The following EBNA1BP2 variants were observed in gnomAD, a reference collection of about 807,000 sequenced individuals.
EBNA1BP2 encodes probable rRNA-processing protein EBP2.
EBNA1BP2 carries 36 observed loss-of-function variants against 43.5 expected under a neutral mutation model. The ratio of observed to expected loss-of-function variants is 0.83; its 90% CI spans 0.63 to 1.09. The LOEUF is 1.09. Ranked by LOEUF, EBNA1BP2 falls within the 50% of genes least tolerant of loss-of-function variation. EBNA1BP2 has a pLI of 0.00. For synonymous variants in EBNA1BP2, 127 were observed against 141.3 expected (o/e 0.90, Z 0.72); for missense variants, 332 against 379.1 (o/e 0.88, Z 1.03).
intron 4 of EBNA1BP2, 103 bp from the exon 5 acceptor site, chr1:43,169,131 C>T (rs576581983): frequency 2.0e-5 from 25 of 1,233,152 alleles, no homozygotes; most frequent in Middle Eastern, 1.9e-4. Context: ...CTTTAAACTG[C>T]GGAACTTATA....
chr1:43,172,395 C>T (rs957821523), upstream of EBNA1BP2: 11 of 1,551,406 alleles, frequency 7.1e-6, no homozygotes, highest in Non-Finnish European at 7.0e-6. Context: ...TGCTTAGGAT[C>T]CCTACAGGTA....
chr1:43,169,133 G>A, intron 4 of EBNA1BP2, 105 bp from the exon 5 acceptor site: 1 of 1,222,422 alleles, frequency 8.2e-7, no homozygotes, highest in South Asian at 1.2e-5. Flanking sequence ...TTAAACTGCG[G>A]AACTTATAAA....
upstream of EBNA1BP2, chr1:43,172,356 A>G (rs1340174372): frequency 1.3e-6 from 2 of 1,551,514 alleles, no homozygotes; most frequent in African/African-American, 1.4e-5. Context: ...TGCTATAGGA[A>G]CCGCTACGGC....
rs1405131460 is a variant in EBNA1BP2 at position 43,171,948 on chromosome 1, C to A, written c.88G>T (p.Gly30Trp). 6.2e-7 allele frequency: 1 copy of A among 1,614,198 alleles called. No individual in the cohort carries two copies. Among genetic ancestry groups the A allele is most frequent in the Admixed American group, 1.7e-5 (1 of 60,036 alleles). The change falls in exon 2 of 9, where the codon GGG (glycine) becomes TGG (tryptophan). Residue 30 changes from glycine to tryptophan, a missense_variant. Transcript: ENST00000236051. ...ACATTGAGGCCTGGCTTCAGAAGCC[C>A]TCGGGAAAACGCATCCTGCAACTGC... ...DRELQDAFSR[G>W]LLKPGLNVVL...
intron 3 of EBNA1BP2, 23 bp from the exon 4 acceptor site, chr1:43,170,902 T>TTTA: frequency 6.5e-7 from 1 of 1,547,816 alleles, no homozygotes; most frequent in Non-Finnish European, 8.7e-7. Context: ...GGACAAAATG[T>TTTA]GTAATGAGGT....
At chr1:43,168,875 C>T (rs1644935012) in intron 5 of EBNA1BP2, 64 bp downstream of exon 5, 1 of 1,540,556 alleles carries the variant, frequency 6.5e-7, no homozygotes, top group Non-Finnish European at 9.0e-7. Context: ...CCAAGTCAGA[C>T]CACGGCAATC....
At position 43,172,136 on chromosome 1, in the gene EBNA1BP2, C is replaced by T. The variant is rs375133692; in HGVS notation, c.-18G>A. 68 of 1,613,998 alleles carry T rather than the reference C, an allele frequency of 4.2e-5. No homozygotes were observed. The highest frequency in any genetic ancestry group is 5.6e-5 in the Non-Finnish European group (66 of 1,180,034). On this transcript the variant is annotated 5_prime_UTR_variant, in exon 1 of 9. Transcript: ENST00000236051. ...GTGTCCATCTCGCCGCACGCACGTCCCACACCTACAGGAAGAAACGGGGTA... is the reference window on the plus strand; with the variant it reads ...GTGTCCATCTCGCCGCACGCACGTCTCACACCTACAGGAAGAAACGGGGTA...
At chr1:43,168,305 C>T (rs915188228) in intron 5 of EBNA1BP2, among the ~76,000 whole-genome samples, 1 of 152,216 alleles carries the variant, frequency 6.6e-6, no homozygotes, top group African/African-American at 2.4e-5. Context: ...ATCTTCCTCA[C>T]ATTCATTTCT....
At chr1:43,170,697 A>G in intron 4 of EBNA1BP2, 59 bp downstream of exon 4, 1 of 1,563,952 alleles carries the variant, frequency 6.4e-7, no homozygotes, top group East Asian at 2.5e-5. Flanking sequence ...TTTCTAAGCC[A>G]GCTGAATATG....
upstream of EBNA1BP2, chr1:43,172,565 G>C: frequency 1.2e-6 from 1 of 841,720 alleles, no homozygotes; most frequent in Non-Finnish European, 1.9e-6. Context: ...AGGACCCCGG[G>C]GGAGGGGAAA....
chr1:43,164,607 A>G, intron 8 of EBNA1BP2, 36 bp downstream of exon 8: 1 of 1,613,850 alleles, frequency 6.2e-7, no homozygotes, highest in Non-Finnish European at 8.5e-7. Flanking sequence ...GGGGAGGCTG[A>G]GCCTGCTCCT....
chr1:43,170,861 G>T lies in EBNA1BP2; in HGVS notation c.342C>A (p.Ala114=). 6.3e-7 allele frequency: 1 copy of T among 1,584,554 alleles called. No individual in the cohort carries two copies. The highest frequency in any genetic ancestry group is 8.6e-7 in the Non-Finnish European group (1 of 1,169,234). ...REMSFYRQAQ[A]AVLAVLPRLH... ...GGCGGGGTAAGACTGCAAGCACTGC[G>T]GCCTGGGCTTGGCGATAGCTGAGAA... Residue 114 remains alanine, a synonymous_variant, in exon 4 of 9, where the codon GCC becomes GCA. Coordinates refer to ENST00000236051, the MANE Select transcript of EBNA1BP2 (RefSeq NM_006824.3).
chr1:43,171,128 A>G, intron 3 of EBNA1BP2: 1 of 492,792 alleles, frequency 2.0e-6, no homozygotes, highest in Middle Eastern at 5.4e-4. Flanking sequence ...AAAGGTACCC[A>G]TTAACACAAA....
At chr1:43,168,900 C>G (rs1019559429) in intron 5 of EBNA1BP2, 39 bp downstream of exon 5, 1 of 1,604,770 alleles carries the variant, frequency 6.2e-7, no homozygotes, top group East Asian at 2.2e-5. Context: ...CTAACACACA[C>G]TCCGCCTCTT....
chr1:43,172,220 C>T lies in EBNA1BP2; in HGVS notation c.-102G>A, dbSNP rs1644989606. 1 of 1,581,062 alleles carries T rather than the reference C, an allele frequency of 6.3e-7. No individual in the cohort carries two copies. The highest frequency in any genetic ancestry group is 1.3e-5 in the African/African-American group (1 of 74,194). On this transcript the variant is annotated 5_prime_UTR_variant, in exon 1 of 9. Coordinates refer to ENST00000236051, the MANE Select transcript of EBNA1BP2 (RefSeq NM_006824.3). ...CTGGCCGCTGCTGCCTGCCTTCAGC[C>T]CCCTACTCCCACGCCGTGGCTCCAC...
chr1:43,172,185 G>A lies in EBNA1BP2; in HGVS notation c.-67C>T. Reference sequence around the variant, plus strand: ...TATCCCGAGACCCAAGCGGCTAGCAGAGGGCGGCCCTGGCCGCTGCTGCCT... The same window carrying A: ...TATCCCGAGACCCAAGCGGCTAGCAAAGGGCGGCCCTGGCCGCTGCTGCCT... On this transcript the variant is annotated 5_prime_UTR_variant, in exon 1 of 9. Coordinates refer to ENST00000236051, the MANE Select transcript of EBNA1BP2 (RefSeq NM_006824.3). The A allele has an allele frequency of 1.2e-6, 2 of 1,608,316 alleles. No individual in the cohort carries two copies. The highest frequency in any genetic ancestry group is 2.2e-5 in the South Asian group (2 of 90,474).
upstream of EBNA1BP2, chr1:43,172,333 T>C: frequency 6.4e-7 from 1 of 1,551,646 alleles, no homozygotes; most frequent in Non-Finnish European, 8.7e-7. Flanking sequence ...AAACCATACT[T>C]CCGGTTTGTC....
intron 3 of EBNA1BP2, 27 bp from the exon 4 acceptor site, chr1:43,170,906 A>C (rs778896524): frequency 1.4e-5 from 22 of 1,547,034 alleles, no homozygotes; most frequent in Non-Finnish European, 1.9e-5. Context: ...AAAATGTGTA[A>C]TGAGGTGAAG....
chr1:43,168,241 C>T (rs1026045312), intron 5 of EBNA1BP2, among the ~76,000 whole-genome samples: 2 of 152,136 alleles, frequency 1.3e-5, no homozygotes, highest in Non-Finnish European at 2.9e-5. Flanking sequence ...GTTCTGCAGC[C>T]CAGATCACAA....
Sources: gnomAD v4.1 joint callset for allele counts (sites outside exome capture counted in the v4.1 genomes callset) on GRCh38, gnomAD v4.1.1 for gene constraint, MANE v1.5 for transcripts, NCBI Gene and HGNC (gene_info 2026-07-23, HGNC 2026-07-21) for gene names.